B3GALNT2: variants seen among roughly 807,000 people sequenced by gnomAD.
The protein encoded by B3GALNT2 is UDP-GalNAc:beta-1,3-N-acetylgalactosaminyltransferase 2.
In B3GALNT2, 53 loss-of-function variants were observed where a neutral mutation model predicts 61.1. The observed-to-expected ratio is 0.87, with a 90% CI of 0.70 to 1.09. The LOEUF is 1.09. B3GALNT2 is among the 50% of genes least tolerant of loss of function. The pLI is 0.00. For missense variants in B3GALNT2, 544 were observed against 623.0 expected (o/e 0.87, Z 1.35); for synonymous variants, 223 against 237.4 (o/e 0.94, Z 0.56).
intron 5 of B3GALNT2, among the ~76,000 whole-genome samples, chr1:235,475,766 A>C (rs1332487571): frequency 6.6e-6 from 1 of 152,178 alleles, no homozygotes. Flanking sequence ...GATATACAAA[A>C]AGAAGAAAAT....
chr1:235,500,526 T>C (rs1572568123), intron 1 of B3GALNT2, among the ~76,000 whole-genome samples: 1 of 152,288 alleles, frequency 6.6e-6, no homozygotes, highest in Middle Eastern at 3.4e-3. Flanking sequence ...TCAAAATTGA[T>C]TGCTCAAAAT....
chr1:235,494,734 C>T lies in B3GALNT2; in HGVS notation c.207G>A (p.Val69=). The T allele has an allele frequency of 6.2e-7, 1 of 1,613,150 alleles. No individual in the cohort carries two copies. Among genetic ancestry groups the T allele is most frequent in the Non-Finnish European group, 8.5e-7 (1 of 1,179,208 alleles). The change falls in exon 2 of 12, where the codon GTG becomes GTA. Residue 69 remains valine, a synonymous_variant. Coordinates refer to ENST00000366600, the MANE Select transcript of B3GALNT2 (RefSeq NM_152490.5). ...AATGTCTCATCCAGGTGCTTCTTATCACGTTTCGAAGTTCATGGTTATTGC... is the reference window on the plus strand; with the variant it reads ...AATGTCTCATCCAGGTGCTTCTTATTACGTTTCGAAGTTCATGGTTATTGC... ...SARNNHELRN[V]IRSTWMRHLL... is the part of the protein sequence containing the mutation.
intron 9 of B3GALNT2, 114 bp downstream of exon 9, chr1:235,455,445 A>C (rs1445030280): frequency 9.1e-7 from 1 of 1,103,700 alleles, no homozygotes; most frequent in Non-Finnish European, 1.3e-6. Flanking sequence ...CCAGGAGTCT[A>C]GTACGAAATT....
downstream of B3GALNT2, among the ~76,000 whole-genome samples, chr1:235,446,361 G>C (rs1468355432): frequency 1.1e-4 from 17 of 152,046 alleles, no homozygotes; most frequent in Non-Finnish European, 1.5e-5. Context: ...ATTTTTAGTA[G>C]AGACGGGGTT....
intron 4 of B3GALNT2, among the ~76,000 whole-genome samples, chr1:235,480,935 A>C (rs1486195298): frequency 1.5e-5 from 2 of 137,760 alleles, no homozygotes; most frequent in African/African-American, 2.8e-5. Flanking sequence ...AAAAAAAAAA[A>C]AAAAAAAAAA....
In B3GALNT2 at chr1:235,448,415, TTCTG is replaced by T. The variant is rs1486819474; in HGVS notation, c.*1787_*1790del. 4 of 1,614,128 alleles carry T rather than the reference TTCTG, an allele frequency of 2.5e-6. No homozygotes were observed. Among genetic ancestry groups the T allele is most frequent in the Non-Finnish European group, 3.4e-6 (4 of 1,180,020 alleles). ...CTTCTCAAAGTTCCTGTGTCAGACC[TTCTG>T]TTGTCCTATGAAAGTCCCAAAGTAA... is the stretch of plus-strand genomic sequence containing the variant. On this transcript the variant is annotated 3_prime_UTR_variant, in exon 12 of 12. Transcript: ENST00000366600.
At chr1:235,461,804 C>CT (rs1488645038) in intron 7 of B3GALNT2, among the ~76,000 whole-genome samples, 2 of 152,218 alleles carry the variant, frequency 1.3e-5, no homozygotes, top group African/African-American at 2.4e-5. Context: ...CATTGAGCTA[C>CT]TGCACCTGGC....
chr1:235,459,301 T>G (rs1229145645), intron 7 of B3GALNT2, among the ~76,000 whole-genome samples: 1 of 152,132 alleles, frequency 6.6e-6, no homozygotes, highest in Non-Finnish European at 1.5e-5. Context: ...ACCACAGATA[T>G]CAATTATAAA....
Position 235,448,276 on chromosome 1 carries a change from C to CTCAT in B3GALNT2, c.*1926_*1929dup. 9.6e-7 allele frequency: 1 copy of CTCAT among 1,044,882 alleles called. No homozygotes were observed. The highest frequency in any genetic ancestry group is 1.3e-5 in the South Asian group (1 of 79,850). The allele number at this position is 1,044,882 out of a possible 1,614,324, so 64.7% of individuals were successfully genotyped here. ...GCTATCATTGCAATGATACTGTGGT[C>CTCAT]TCATCACATGAGCTAGTTTTACAGG... On this transcript the variant is annotated 3_prime_UTR_variant, in exon 12 of 12. Transcript: ENST00000366600.
At chr1:235,464,105 T>A (rs752032354) in intron 7 of B3GALNT2, 3 of 152,198 alleles carry the variant, frequency 2.0e-5, no homozygotes, top group Admixed American at 6.5e-5. Context: ...AAGACCTACG[T>A]ATAAGTGCTA....
At chr1:235,465,509 A>G in intron 7 of B3GALNT2, 127 bp downstream of exon 7, 3 of 1,403,724 alleles carry the variant, frequency 2.1e-6, no homozygotes, top group Non-Finnish European at 2.9e-6. Flanking sequence ...GAACCACTTT[A>G]AAAGGGTGAA....
At chr1:235,467,504 G>A (rs1683761002) in intron 6 of B3GALNT2, among the ~76,000 whole-genome samples, 1 of 129,110 alleles carries the variant, frequency 7.7e-6, no homozygotes, top group Non-Finnish European at 1.6e-5. Flanking sequence ...TTTTTTTTGA[G>A]ACGAAGTCTT....
chr1:235,446,757 G>A (rs1230408742), downstream of B3GALNT2, among the ~76,000 whole-genome samples: 1 of 151,358 alleles, frequency 6.6e-6, no homozygotes, highest in Non-Finnish European at 1.5e-5. Flanking sequence ...GAGTACAGTG[G>A]CGCGATCATG....
downstream of B3GALNT2, among the ~76,000 whole-genome samples, chr1:235,442,468 T>C (rs892502375): frequency 6.6e-6 from 1 of 152,084 alleles, no homozygotes; most frequent in African/African-American, 2.4e-5. Context: ...CCGCGCCCTG[T>C]CAAAGAAATG....
chr1:235,480,060 T>C lies in B3GALNT2; in HGVS notation c.645A>G (p.Leu215=). Residue 215 remains leucine (L), a synonymous_variant, in exon 5 of 12, where the codon TTA becomes TTG. Coordinates refer to ENST00000366600, the MANE Select transcript of B3GALNT2 (RefSeq NM_152490.5). ...LWYKPVEQFI[L]PESFEGTIVW... is the part of the protein sequence containing the mutation. ...TTTTCCTGCCATCCTGTACCTCTGG[T>C]AAGATGAATTGTTCCACGGGCTTGT... 7 of 1,613,788 alleles carry C rather than the reference T, an allele frequency of 4.3e-6. No homozygotes were observed. Among genetic ancestry groups the C allele is most frequent in the Non-Finnish European group, 5.1e-6 (6 of 1,179,776 alleles).
chr1:235,490,706 T>A (rs1232517305), intron 2 of B3GALNT2, among the ~76,000 whole-genome samples: 1 of 152,038 alleles, frequency 6.6e-6, no homozygotes, highest in African/African-American at 2.4e-5. Flanking sequence ...AGCCTTTATT[T>A]AAAATTAAAT....
intron 2 of B3GALNT2, among the ~76,000 whole-genome samples, chr1:235,491,397 G>A (rs1300872006): frequency 6.6e-6 from 1 of 152,148 alleles, no homozygotes; most frequent in African/African-American, 2.4e-5. Flanking sequence ...ATTACAGGCT[G>A]TATATACTTT....
the B3GALNT2 span, among the ~76,000 whole-genome samples, chr1:235,439,837 T>G: frequency 6.6e-6 from 1 of 151,838 alleles, no homozygotes; most frequent in Non-Finnish European, 1.5e-5. Context: ...AGTCTTGCTC[T>G]GTCACCCAGG....
intron 5 of B3GALNT2, 100 bp downstream of exon 5, chr1:235,479,954 C>T: frequency 6.6e-7 from 1 of 1,520,084 alleles, no homozygotes; most frequent in South Asian, 1.3e-5. Context: ...TGGAGTGCTG[C>T]CCTGGTACAA....
Sources: gnomAD v4.1 joint callset for allele counts (sites outside exome capture counted in the v4.1 genomes callset) on GRCh38, gnomAD v4.1.1 for gene constraint, MANE v1.5 for transcripts, NCBI Gene and HGNC (gene_info 2026-07-23, HGNC 2026-07-21) for gene names.